LIMS1: variants seen among roughly 807,000 people sequenced by gnomAD.
LIMS1 encodes LIM zinc finger domain containing 1, also known as LIM and senescent cell antigen-like-containing domain protein 1.
A neutral mutation model predicts 44.1 loss-of-function variants in LIMS1; 18 were observed. The ratio of observed to expected loss-of-function variants is 0.41; its 90% CI spans 0.28 to 0.61. The LOEUF is 0.61. LIMS1 is among the 20% of genes least tolerant of loss of function. The probability of loss-of-function intolerance (pLI) is 0.32; values close to 1 mark genes in which losing one functional copy is unlikely to be tolerated. For missense variants in LIMS1, 201 were observed against 422.0 expected (o/e 0.48, Z 4.59); for synonymous variants, 93 against 149.1 (o/e 0.62, Z 2.74).
chr2:108,653,201 G>GT (rs1690621260), intron 1 of LIMS1, among the ~76,000 whole-genome samples: 1 of 151,122 alleles, frequency 6.6e-6, no homozygotes. Flanking sequence ...CAGTAATTAT[G>GT]TTTAACATTT....
chr2:108,660,626 T>C (rs560553256), intron 2 of LIMS1: 6,296 of 292,206 alleles, frequency 0.022, 68 homozygotes, highest in Non-Finnish European at 0.032. Context: ...AAACGGAGTC[T>C]CCCTATGTTG....
exon 2 of LIMS1, chr2:108,659,707 GCAGTGTTTCGTGTGCGCT>G: frequency 6.2e-7 from 1 of 1,612,492 alleles, no homozygotes; most frequent in South Asian, 1.1e-5. Context: ...TGTACCATGA[GCAGTGTTTCGTGTGCGCT>G]CAGTGCTTCC....
At chr2:108,638,817 G>C (rs2148912862) in intron 1 of LIMS1, among the ~76,000 whole-genome samples, 1 of 151,852 alleles carries the variant, frequency 6.6e-6, no homozygotes, top group East Asian at 1.9e-4. Context: ...GCCGAGGCGG[G>C]TGGATCATGA....
chr2:108,560,777 G>A (rs72948754), intron 1 of LIMS1, among the ~76,000 whole-genome samples: 2 of 151,962 alleles, frequency 1.3e-5, no homozygotes, highest in African/African-American at 4.8e-5. Context: ...TTTCTGTTTT[G>A]TTCATCGTAT....
chr2:108,637,022 C>T (rs989489763), intron 1 of LIMS1, among the ~76,000 whole-genome samples: 3 of 151,780 alleles, frequency 2.0e-5, no homozygotes, highest in Non-Finnish European at 2.9e-5. Flanking sequence ...AATCCCTTGC[C>T]TTTCTGTGTA....
rs180696704 is a variant in LIMS1, at chr2:108,617,343, G to A, written c.33-42262G>A. 1.3e-3 allele frequency among the ~76,000 whole-genome samples: 199 copies of A among 152,222 alleles called. 1 individual carries two copies. The highest frequency in any genetic ancestry group is 2.6e-4 in the Non-Finnish European group (18 of 68,014). ...CTAATTTTTTATTCTTATCACAAAT[G>A]GAAAATGTTTATACTTGTGGAAGGT... On this transcript the variant is annotated intron_variant, in intron 1 of 9. Coordinates refer to ENST00000544547, the Ensembl canonical transcript of LIMS1.
intron 1 of LIMS1, among the ~76,000 whole-genome samples, chr2:108,617,290 C>T (rs1372301527): frequency 1.3e-5 from 2 of 152,182 alleles, no homozygotes; most frequent in Non-Finnish European, 2.9e-5. Flanking sequence ...AAAAGCTGGA[C>T]TATGACAAGT....
At chr2:108,687,045 TAATA>T (rs1347819100) in exon 10 of LIMS1, 1 of 152,248 alleles carries the variant, frequency 6.6e-6, no homozygotes, top group Non-Finnish European at 1.5e-5. Context: ...TGCACCTGAA[TAATA>T]GGTCATTTTG....
intron 1 of LIMS1, among the ~76,000 whole-genome samples, chr2:108,619,046 G>A (rs1688091332): frequency 1.3e-5 from 2 of 151,644 alleles, no homozygotes; most frequent in Admixed American, 1.3e-4. Flanking sequence ...CCCCCGCCCC[G>A]TCTAACCCCC....
At chr2:108,564,930 A>C (rs2104618799) in intron 1 of LIMS1, among the ~76,000 whole-genome samples, 1 of 152,058 alleles carries the variant, frequency 6.6e-6, no homozygotes, top group South Asian at 2.1e-4. Context: ...CCCCAAGGTT[A>C]CAGGGAAGGA....
At chr2:108,577,839 G>A (rs772348416) in intron 1 of LIMS1, among the ~76,000 whole-genome samples, 6 of 152,158 alleles carry the variant, frequency 3.9e-5, no homozygotes, top group African/African-American at 9.7e-5. Context: ...ATAAAGTCTT[G>A]CCCATCTGTT....
intron 1 of LIMS1, among the ~76,000 whole-genome samples, chr2:108,598,033 A>C (rs1558802724): frequency 6.6e-6 from 1 of 151,682 alleles, no homozygotes; most frequent in Admixed American, 6.6e-5. Flanking sequence ...CCTGTTCTAC[A>C]GATGAATTCT....
At chr2:108,645,442 C>A (rs1458574083) in intron 1 of LIMS1, among the ~76,000 whole-genome samples, 1 of 152,140 alleles carries the variant, frequency 6.6e-6, no homozygotes, top group Non-Finnish European at 1.5e-5. Flanking sequence ...CAAGGAAATG[C>A]TGAGACAGTT....
chr2:108,640,714 C>A (rs1190431588), intron 1 of LIMS1, among the ~76,000 whole-genome samples: 1 of 152,216 alleles, frequency 6.6e-6, no homozygotes, highest in Non-Finnish European at 1.5e-5. Context: ...TTGCTGCATG[C>A]ATGTAATGCA....
intron 5 of LIMS1, among the ~76,000 whole-genome samples, chr2:108,674,285 G>A (rs1179814089): frequency 2.6e-5 from 4 of 152,002 alleles, no homozygotes; most frequent in Admixed American, 6.6e-5. Context: ...AGCTGAGATC[G>A]CACCACTGCA....
intron 1 of LIMS1, among the ~76,000 whole-genome samples, chr2:108,553,019 A>G (rs542934575): frequency 3.9e-5 from 6 of 152,218 alleles, no homozygotes; most frequent in Non-Finnish European, 8.8e-5. Flanking sequence ...TTTAATCAGG[A>G]TGGCTCTGAA....
At chr2:108,594,890 TA>T (rs5833293) in intron 1 of LIMS1, among the ~76,000 whole-genome samples, 3,892 of 151,496 alleles carry the variant, frequency 0.026, 126 homozygotes, top group South Asian at 0.14. Context: ...AGCATAGCTC[TA>T]AAAAAAAGGT....
At chr2:108,664,958 A>G (rs994939994) in intron 2 of LIMS1, among the ~76,000 whole-genome samples, 27 of 152,214 alleles carry the variant, frequency 1.8e-4, no homozygotes, top group Non-Finnish European at 3.2e-4. Context: ...TCACATTGCA[A>G]AAGAAAGAGA....
intron 2 of LIMS1, among the ~76,000 whole-genome samples, chr2:108,663,124 T>G (rs1354638085): frequency 6.6e-6 from 1 of 152,138 alleles, no homozygotes; most frequent in Non-Finnish European, 1.5e-5. Context: ...TTTTTCTTTC[T>G]TTTCTTTTTC....
Sources: gnomAD v4.1 joint callset for allele counts (sites outside exome capture counted in the v4.1 genomes callset) on GRCh38, gnomAD v4.1.1 for gene constraint, MANE v1.5 for transcripts, NCBI Gene and HGNC (gene_info 2026-07-23, HGNC 2026-07-21) for gene names.